The following ARHGAP23 variants were observed in gnomAD, a reference collection of about 807,000 sequenced individuals.
ARHGAP23 encodes rho GTPase-activating protein 23.
Under a neutral mutation model 136.3 loss-of-function variants are expected in ARHGAP23, and 34 were observed. The ratio of observed to expected loss-of-function variants is 0.25; its 90% CI spans 0.19 to 0.33. The LOEUF is 0.33. Ranked by LOEUF, ARHGAP23 falls within the 10% of genes least tolerant of loss-of-function variation. ARHGAP23 has a pLI of 1.00. For synonymous variants in ARHGAP23, 832 were observed against 920.5 expected (o/e 0.90, Z 1.74); for missense variants, 1,808 against 2,139.0 (o/e 0.85, Z 3.05).
At chr17:38,433,130 T>A (rs1366326224) in intron 1 of ARHGAP23, among the ~76,000 whole-genome samples, 1 of 152,138 alleles carries the variant, frequency 6.6e-6, no homozygotes, top group Non-Finnish European at 1.5e-5. Flanking sequence ...TTTTTCCATT[T>A]TGTATTTTTT....
intron 18 of ARHGAP23, 72 bp from the exon 19 acceptor site, chr17:38,490,390 G>A (rs928860070): frequency 3.1e-6 from 4 of 1,283,242 alleles, no homozygotes; most frequent in Non-Finnish European, 4.4e-6. Context: ...AGATCTTTGG[G>A]GCATGGTGAT....
chr17:38,425,122 C>T (rs892082862), upstream of ARHGAP23, among the ~76,000 whole-genome samples: 10 of 152,198 alleles, frequency 6.6e-5, no homozygotes, highest in Non-Finnish European at 1.2e-4. Context: ...CAGCTCCCTG[C>T]CCCAAACCAG....
chr17:38,504,106 T>C (rs1315860766), intron 23 of ARHGAP23, among the ~76,000 whole-genome samples: 3 of 152,154 alleles, frequency 2.0e-5, no homozygotes, highest in Admixed American at 1.3e-4. Context: ...CCTCCTTCCT[T>C]GGTTGGTGCT....
chr17:38,492,216 G>A (rs2144758925), intron 20 of ARHGAP23, among the ~76,000 whole-genome samples: 1 of 152,324 alleles, frequency 6.6e-6, no homozygotes, highest in African/African-American at 2.4e-5. Context: ...GTTTTCGAGA[G>A]CCCAACCCTA....
At chr17:38,428,383 G>C (rs1306184596), upstream of ARHGAP23, 14,441 of 377,698 alleles carry the variant, frequency 0.038, 374 homozygotes, top group Middle Eastern at 0.14. Context: ...CCCGGGGGGG[G>C]CCCCCCCACA....
intron 23 of ARHGAP23, among the ~76,000 whole-genome samples, chr17:38,507,851 G>A (rs1943418547): frequency 6.6e-6 from 1 of 152,206 alleles, no homozygotes; most frequent in South Asian, 2.1e-4. Flanking sequence ...TGAGAGCAAG[G>A]ACAGTGGCTG....
chr17:38,435,008 A>G (rs1029349031), intron 1 of ARHGAP23, among the ~76,000 whole-genome samples: 1 of 152,224 alleles, frequency 6.6e-6, no homozygotes, highest in African/African-American at 2.4e-5. Flanking sequence ...AAAGGGACAG[A>G]AGGAGGAGGA....
chr17:38,440,234 G>T (rs1255975439), intron 1 of ARHGAP23, among the ~76,000 whole-genome samples: 1 of 151,788 alleles, frequency 6.6e-6, no homozygotes, highest in Non-Finnish European at 1.5e-5. Context: ...GGCCAAGCTG[G>T]TGTCTAACTC....
chr17:38,425,334 C>G (rs1375900373), upstream of ARHGAP23, among the ~76,000 whole-genome samples: 1 of 152,174 alleles, frequency 6.6e-6, no homozygotes, highest in South Asian at 2.1e-4. Context: ...TTCCCTATTC[C>G]CACTCTCCCC....
At chr17:38,437,269 A>G (rs1319028740) in intron 1 of ARHGAP23, among the ~76,000 whole-genome samples, 1 of 151,212 alleles carries the variant, frequency 6.6e-6, no homozygotes, top group Non-Finnish European at 1.5e-5. Context: ...GCAGTGGCAC[A>G]ATCAGGCACA....
chr17:38,430,880 T>C (rs1484135354), intron 1 of ARHGAP23, among the ~76,000 whole-genome samples: 1 of 152,182 alleles, frequency 6.6e-6, no homozygotes, highest in Non-Finnish European at 1.5e-5. Context: ...GCTTTCACAG[T>C]ATAGCTCATA....
intron 16 of ARHGAP23, among the ~76,000 whole-genome samples, chr17:38,483,750 A>T (rs2040098745): frequency 6.6e-6 from 1 of 152,180 alleles, no homozygotes; most frequent in Non-Finnish European, 1.5e-5. Flanking sequence ...GTGATGAGGA[A>T]GGAGAGGGTG....
chr17:38,494,689 A>G (rs1366110597), intron 20 of ARHGAP23, among the ~76,000 whole-genome samples: 1 of 152,252 alleles, frequency 6.6e-6, no homozygotes, highest in African/African-American at 2.4e-5. Flanking sequence ...GAAGCCCCAC[A>G]GAAGGACCCA....
chr17:38,471,760 C>G, intron 10 of ARHGAP23, 103 bp from the exon 11 acceptor site: 1 of 1,345,630 alleles, frequency 7.4e-7, no homozygotes, highest in Non-Finnish European at 1.0e-6. Context: ...GGGTGTAGCA[C>G]AGACATATAT....
At position 38,463,333 on chromosome 17, in the gene ARHGAP23, A is replaced by G; in HGVS notation, c.434A>G (p.Asp145Gly). 6.4e-7 allele frequency: 1 copy of G among 1,551,572 alleles called. No individual in the cohort carries two copies. Among genetic ancestry groups the G allele is most frequent in the South Asian group, 1.2e-5 (1 of 84,054 alleles). ...QVIALIQNSD[D>G]TLELSIMPKD... is the part of the protein sequence containing the mutation. ...CGTTCTGCCTGTCTCTGTAGTGATG[A>G]CACTCTGGAGCTGTCTATCATGCCC... The change falls in exon 6 of 24, where the codon GAC becomes GGC. Residue 145 changes from aspartate (D) to glycine (G), a missense_variant. Physicochemically the swap from Asp to Gly is moderately conservative, Grantham distance 94 (BLOSUM62 -1). Coordinates refer to ENST00000622683, the MANE Select transcript of ARHGAP23 (RefSeq NM_001199417.2).
intron 7 of ARHGAP23, 113 bp downstream of exon 7, chr17:38,467,444 G>A (rs1160210701): frequency 4.2e-6 from 4 of 962,818 alleles, no homozygotes; most frequent in Non-Finnish European, 5.9e-6. Context: ...GTGCTGGTGG[G>A]ATCATCTTGT....
At position 38,469,646 on chromosome 17, in the gene ARHGAP23, G is replaced by A; in HGVS notation, c.1916+11G>A. The A allele has an allele frequency of 6.5e-7, 1 of 1,547,784 alleles. No individual in the cohort carries two copies. Among genetic ancestry groups the A allele is most frequent in the Non-Finnish European group, 8.7e-7 (1 of 1,146,098 alleles). On this transcript the variant is annotated intron_variant, in intron 9 of 23. Transcript: ENST00000622683. Reference sequence around the variant, plus strand: ...GGGCCGGGTTCTGCGGTGAGGCCCTGTCCGGACACGGGGTGGGGTGGCCAC... The same window carrying A: ...GGGCCGGGTTCTGCGGTGAGGCCCTATCCGGACACGGGGTGGGGTGGCCAC...
At chr17:38,454,604 A>T (rs909228699) in intron 1 of ARHGAP23, among the ~76,000 whole-genome samples, 1 of 152,054 alleles carries the variant, frequency 6.6e-6, no homozygotes, top group African/African-American at 2.4e-5. Flanking sequence ...TGGGCAGAGG[A>T]GGCTGAGTGG....
At chr17:38,485,426 T>G (rs1486873865) in intron 16 of ARHGAP23, among the ~76,000 whole-genome samples, 1 of 152,178 alleles carries the variant, frequency 6.6e-6, no homozygotes, top group East Asian at 1.9e-4. Context: ...ACAGACGGGA[T>G]CCTGTCTCCT....
Sources: allele counts gnomAD v4.1 joint callset (sites outside exome capture counted in the v4.1 genomes callset), GRCh38; gene constraint gnomAD v4.1.1; transcripts MANE v1.5; gene names NCBI Gene and HGNC (gene_info 2026-07-23, HGNC 2026-07-21).